The following IL1RAPL1 variants were observed in gnomAD, a reference collection of about 807,000 sequenced individuals.
IL1RAPL1 encodes the protein interleukin-1 receptor accessory protein-like 1.
IL1RAPL1 carries 3 observed loss-of-function variants against 48.4 expected under a neutral mutation model. The observed-to-expected ratio is 0.06, with a 90% CI of 0.03 to 0.16. The LOEUF is 0.16. Among genes scored for constraint, IL1RAPL1 ranks in the 10% least tolerant of loss-of-function variants. The pLI is 1.00. For missense variants in IL1RAPL1, 349 were observed against 530.6 expected (o/e 0.66, Z 3.36); for synonymous variants, 185 against 187.7 (o/e 0.99, Z 0.12).
At chrX:29,884,338 C>A (rs750399106) in intron 6 of IL1RAPL1, among the ~76,000 whole-genome samples, 1 of 110,994 alleles carries the variant, frequency 9.0e-6, no homozygotes, top group Non-Finnish European at 1.9e-5. Context: ...ATGTGCCATC[C>A]TCATCTTACT....
chrX:28,892,778 G>A lies in IL1RAPL1; in HGVS notation c.82+103353G>A, dbSNP rs781358733. ...TTGTGGTAAGGGGTGATATTGTGGGGTTGTTAGAAGAAACATTTGTTGTGT... is the reference window on the plus strand; with the variant it reads ...TTGTGGTAAGGGGTGATATTGTGGGATTGTTAGAAGAAACATTTGTTGTGT... On this transcript the variant is annotated intron_variant, in intron 2 of 10. Transcript: ENST00000378993. 1.1e-4 allele frequency among the ~76,000 whole-genome samples: 12 copies of A among 110,575 alleles called. No individual in the cohort carries two copies. In the Admixed American group the frequency reaches 1.2e-3, roughly 11 times the overall value.
rs142963377 is a variant in IL1RAPL1 at position 29,563,950 on chromosome X, G to A, written c.704-104480G>A. On this transcript the variant is annotated intron_variant, in intron 5 of 10. Transcript: ENST00000378993. ...GTTTTGTCTTGTCTTTTACTTTGGA[G>A]AGGGGTTTCTTTACTGCATGGACAG... Among the ~76,000 whole-genome samples the A allele has an allele frequency of 3.8e-3, 430 of 111,939 alleles. 1 individual carries two copies. Among genetic ancestry groups the A allele is most frequent in the African/African-American group, 0.013 (415 of 30,808 alleles).
chrX:29,582,396 A>ATTTTTTTTTTTTTTTTTTTT (rs757912162), intron 5 of IL1RAPL1, among the ~76,000 whole-genome samples: 1 of 95,917 alleles, frequency 1.0e-5, no homozygotes, highest in African/African-American at 3.7e-5. Flanking sequence ...TTTATTTTTT[A>ATTTTTTTTTTTTTTTTTTTT]TTTTTTTTTA....
intron 5 of IL1RAPL1, among the ~76,000 whole-genome samples, chrX:29,429,927 ATT>A (rs1174915637): frequency 7.9e-5 from 4 of 50,416 alleles, no homozygotes; most frequent in Non-Finnish European, 8.0e-5. Flanking sequence ...GTGTGTGTGT[ATT>A]TTTTTTTTTA....
At chrX:29,415,336 C>T (rs987171036) in intron 5 of IL1RAPL1, among the ~76,000 whole-genome samples, 3 of 111,102 alleles carry the variant, frequency 2.7e-5, no homozygotes, top group Non-Finnish European at 5.7e-5. Context: ...TCTACATGCA[C>T]GTGAATGTGT....
At chrX:29,180,368 CATT>C (rs745664167) in intron 2 of IL1RAPL1, among the ~76,000 whole-genome samples, 1 of 109,674 alleles carries the variant, frequency 9.1e-6, no homozygotes, top group Non-Finnish European at 1.9e-5. Context: ...AGAAGAAACT[CATT>C]ATTATTATTA....
intron 2 of IL1RAPL1, among the ~76,000 whole-genome samples, chrX:29,106,436 T>C (rs911584020): frequency 1.8e-5 from 2 of 108,321 alleles, no homozygotes; most frequent in East Asian, 5.7e-4. Context: ...AGTGGGATTC[T>C]AAAAAAAAAA....
At chrX:29,128,458 G>A (rs1274257614) in intron 2 of IL1RAPL1, among the ~76,000 whole-genome samples, 5 of 111,066 alleles carry the variant, frequency 4.5e-5, no homozygotes, top group Non-Finnish European at 9.4e-5. Context: ...TGCTTGGCTC[G>A]CCTTGCCTCC....
chrX:29,170,609 T>C (rs1328778783), intron 2 of IL1RAPL1, among the ~76,000 whole-genome samples: 1 of 111,539 alleles, frequency 9.0e-6, no homozygotes. Context: ...GTTTAGTGAA[T>C]ATTCAACGTA....
rs954134063 is a variant in IL1RAPL1, at chrX:29,368,373, C to CTGTTTTTGTT, written c.363-27868_363-27859dup. On this transcript the variant is annotated intron_variant, in intron 3 of 10. Transcript: ENST00000378993. ...ATTCAATGCTTGTGTGTATGTGTTT[C>CTGTTTTTGTT]TGTTTTTGTTTGTTTTTGTTTGTTT... is the stretch of plus-strand genomic sequence containing the variant. Among the ~76,000 whole-genome samples the CTGTTTTTGTT allele has an allele frequency of 7.2e-5, 8 of 111,371 alleles. No individual in the cohort carries two copies. The East Asian group carries it at 2.3e-3, about 32-fold the overall frequency.
intron 5 of IL1RAPL1, among the ~76,000 whole-genome samples, chrX:29,637,896 G>T (rs1432151730): frequency 8.9e-6 from 1 of 112,139 alleles, no homozygotes; most frequent in Non-Finnish European, 1.9e-5. Context: ...CTAGAAAAAT[G>T]TTAAATTTTT....
intron 2 of IL1RAPL1, among the ~76,000 whole-genome samples, chrX:29,065,975 C>T (rs1927443645): frequency 9.0e-6 from 1 of 111,552 alleles, no homozygotes; most frequent in Admixed American, 9.6e-5. Context: ...TTTGAACATG[C>T]TTATATGGCT....
At chrX:29,427,338 C>T (rs1364231539) in intron 5 of IL1RAPL1, among the ~76,000 whole-genome samples, 1 of 112,500 alleles carries the variant, frequency 8.9e-6, no homozygotes, top group Non-Finnish European at 1.9e-5. Context: ...ATTGGTTCTT[C>T]TTGCCTACTG....
At chrX:29,710,290 G>C (rs911055695) in intron 6 of IL1RAPL1, among the ~76,000 whole-genome samples, 4 of 109,134 alleles carry the variant, frequency 3.7e-5, no homozygotes, top group Admixed American at 2.0e-4. Context: ...AATGTTAGCC[G>C]TGGGTGTGTC....
chrX:29,906,462 TA>T (rs1402259367), intron 6 of IL1RAPL1, among the ~76,000 whole-genome samples: 130 of 564 alleles, frequency 0.23, 2 homozygotes, highest in Non-Finnish European at 0.29. Flanking sequence ...ACTTTGTAAA[TA>T]TATATATATA....
Position 29,501,073 on chromosome X carries a change from C to T in IL1RAPL1, c.703+101765C>T, listed in dbSNP as rs189581467. Among the ~76,000 whole-genome samples the T allele has an allele frequency of 6.3e-5, 7 of 111,605 alleles. No individual in the cohort carries two copies. In the Admixed American group the frequency reaches 6.6e-4, roughly 11 times the overall value. ...ATGATATTGAAAATTTTTCATATAT[C>T]TGTTGGCCATTTGTATGTCTTCTTG... On this transcript the variant is annotated intron_variant, in intron 5 of 10. Coordinates refer to ENST00000378993, the MANE Select transcript of IL1RAPL1 (RefSeq NM_014271.4).
chrX:28,746,449 T>C (rs1394557447), intron 1 of IL1RAPL1, among the ~76,000 whole-genome samples: 1 of 111,590 alleles, frequency 9.0e-6, no homozygotes, highest in East Asian at 2.8e-4. Context: ...ACACAATAGG[T>C]TGTTTAAGGA....
At chrX:29,451,824 T>C (rs750170563) in intron 5 of IL1RAPL1, among the ~76,000 whole-genome samples, 20 of 112,119 alleles carry the variant, frequency 1.8e-4, no homozygotes, top group African/African-American at 5.8e-4. Context: ...TTCAACAAAA[T>C]AGAAAATTAA....
chrX:29,290,897 A>G (rs1329654121), intron 3 of IL1RAPL1, among the ~76,000 whole-genome samples: 1 of 112,192 alleles, frequency 8.9e-6, no homozygotes, highest in Non-Finnish European at 1.9e-5. Flanking sequence ...TTTTGAGATA[A>G]TAAAGGAGAA....
Sources: allele counts gnomAD v4.1 joint callset (sites outside exome capture counted in the v4.1 genomes callset), GRCh38; gene constraint gnomAD v4.1.1; transcripts MANE v1.5; gene names NCBI Gene and HGNC (gene_info 2026-07-23, HGNC 2026-07-21).